The following CDC25C variants were observed in gnomAD, a reference collection of about 807,000 sequenced individuals.
CDC25C encodes M-phase inducer phosphatase 3.
A neutral mutation model predicts 52.5 loss-of-function variants in CDC25C; 48 were observed. The ratio of observed to expected loss-of-function variants is 0.91; its 90% CI spans 0.72 to 1.16. CDC25C has a LOEUF of 1.16. Among genes scored for constraint, CDC25C ranks in the 50% most tolerant of loss-of-function variants. CDC25C has a pLI of 0.00. For synonymous variants in CDC25C, 187 were observed against 206.5 expected, an observed-to-expected ratio of 0.91 and a Z score of 0.81; for missense variants, 510 against 566.1, an observed-to-expected ratio of 0.90 and a Z score of 1.01.
chr5:138,329,716 T>C, intron 2 of CDC25C, 69 bp from the exon 3 acceptor site: 1 of 742,586 alleles, frequency 1.3e-6, no homozygotes, highest in South Asian at 1.7e-5. Flanking sequence ...AAAGATCATG[T>C]CATCCTCTTC....
chr5:138,299,193 G>GAA (rs1161142032), intron 7 of CDC25C, among the ~76,000 whole-genome samples: 63 of 74,858 alleles, frequency 8.4e-4, no homozygotes, highest in South Asian at 1.5e-3. Flanking sequence ...ACTCTGTCTG[G>GAA]AAAAAAAAAA....
chr5:138,328,215 A>AAAGC (rs576315966), intron 4 of CDC25C, among the ~76,000 whole-genome samples: 25 of 152,326 alleles, frequency 1.6e-4, no homozygotes, highest in African/African-American at 6.0e-4. Context: ...CATACAAATA[A>AAAGC]AAGCCTATAC....
At position 138,331,622 on chromosome 5, in the gene CDC25C, A is replaced by G; in HGVS notation, c.-66T>C. 9.9e-7 allele frequency: 1 copy of G among 1,009,774 alleles called. No homozygotes were observed. The highest frequency in any genetic ancestry group is 1.2e-6 in the Non-Finnish European group (1 of 843,708). 62.6% of individuals were successfully genotyped at this position (1,009,774 alleles called of 1,614,324 possible). On this transcript the variant is annotated 5_prime_UTR_variant, in exon 1 of 14. Coordinates refer to ENST00000323760, the MANE Select transcript of CDC25C (RefSeq NM_001790.5). ...CAAGCCTGGAGTCTGAGGCTTGCCT[A>G]CAAGAGGAGAGAAAGTAGATAGGGA...
At chr5:138,289,114 A>G (rs1282437024) in intron 10 of CDC25C, among the ~76,000 whole-genome samples, 1 of 152,026 alleles carries the variant, frequency 6.6e-6, no homozygotes, top group Non-Finnish European at 1.5e-5. Flanking sequence ...ATAGGCACAC[A>G]TTACCACGCC....
rs536656547 is a variant in CDC25C, at chr5:138,289,123, C to A, written c.927+378G>T. On this transcript the variant is annotated intron_variant, in intron 10 of 13. Coordinates refer to ENST00000323760, the MANE Select transcript of CDC25C (RefSeq NM_001790.5). ...GGGATTATAGGCACACATTACCACGCCTGGTTAATTTTTTTGTATTTTTAT... is the reference window on the plus strand; with the variant it reads ...GGGATTATAGGCACACATTACCACGACTGGTTAATTTTTTTGTATTTTTAT... Among the ~76,000 whole-genome samples the A allele has an allele frequency of 5.3e-5, 8 of 152,136 alleles. No homozygotes were observed. The South Asian group carries it at 1.7e-3, about 32-fold the overall frequency.
At chr5:138,286,295 T>C (rs531682908) in intron 12 of CDC25C, among the ~76,000 whole-genome samples, 162 bp from the exon 13 acceptor site, 53 of 152,304 alleles carry the variant, frequency 3.5e-4, no homozygotes, top group South Asian at 6.2e-4. Flanking sequence ...AGTACCACCC[T>C]TCCTCCTTTC....
At position 138,326,042 on chromosome 5, in the gene CDC25C, C is replaced by T. The variant is rs1347334560; in HGVS notation, c.348G>A (p.Gln116=). ...EVHLAGMNHD[Q]HLMKCSPAQL... ...TCACTGGGCTACATTTCATTAGGTGCTGGTCATGATTCCTGCAGATTAAAA... is the reference window on the plus strand; with the variant it reads ...TCACTGGGCTACATTTCATTAGGTGTTGGTCATGATTCCTGCAGATTAAAA... The change falls in exon 5 of 14, where the codon CAG becomes CAA. Residue 116 remains glutamine (Q), a synonymous_variant. Transcript: ENST00000323760. The T allele has an allele frequency of 3.1e-6, 5 of 1,614,196 alleles. No homozygotes were observed. Among genetic ancestry groups the T allele is most frequent in the South Asian group, 1.1e-5 (1 of 91,088 alleles).
At chr5:138,308,064 G>A (rs963389742) in intron 7 of CDC25C, among the ~76,000 whole-genome samples, 2 of 152,130 alleles carry the variant, frequency 1.3e-5, no homozygotes, top group South Asian at 2.1e-4. Context: ...ACAGGAGGCA[G>A]AGCTTAGGTG....
At chr5:138,294,756 G>A (rs759491644) in intron 7 of CDC25C, among the ~76,000 whole-genome samples, 7 of 151,752 alleles carry the variant, frequency 4.6e-5, no homozygotes, top group Non-Finnish European at 1.0e-4. Context: ...TGCCCGCCTC[G>A]GCCCTCCAAA....
intron 1 of CDC25C, chr5:138,337,618 G>T (rs1760800551): frequency 3.3e-6 from 1 of 303,708 alleles, no homozygotes; most frequent in South Asian, 2.7e-5. Flanking sequence ...AGTGTTCTGG[G>T]TGAGGGCAAA....
intron 7 of CDC25C, among the ~76,000 whole-genome samples, chr5:138,301,127 T>G (rs982853087): frequency 6.6e-6 from 1 of 152,020 alleles, no homozygotes; most frequent in Non-Finnish European, 1.5e-5. Flanking sequence ...ATCAATGGAA[T>G]AGAAAACAGA....
chr5:138,296,974 G>C (rs1471775882), intron 7 of CDC25C, among the ~76,000 whole-genome samples: 1 of 135,208 alleles, frequency 7.4e-6, no homozygotes, highest in Non-Finnish European at 1.5e-5. Context: ...GCAGTGGCAC[G>C]ATCTCGGCTC....
At chr5:138,322,466 ATTT>A (rs71585117) in intron 6 of CDC25C, among the ~76,000 whole-genome samples, 1 of 67,940 alleles carries the variant, frequency 1.5e-5, no homozygotes, top group East Asian at 3.8e-4. Flanking sequence ...CGCCCGGCTA[ATTT>A]TTTTTTTTTT....
At chr5:138,296,228 T>TTTTA (rs1008852423) in intron 7 of CDC25C, among the ~76,000 whole-genome samples, 16 of 152,014 alleles carry the variant, frequency 1.1e-4, no homozygotes, top group Non-Finnish European at 1.8e-4. Flanking sequence ...TTTTAGTTAT[T>TTTTA]TTTATTTATT....
At position 138,309,714 on chromosome 5, in the gene CDC25C, A is replaced by AT. The variant is rs1266398380; in HGVS notation, c.615+9504_615+9505insA. 2.3e-3 allele frequency among the ~76,000 whole-genome samples: 126 copies of AT among 55,758 alleles called. No individual in the cohort carries two copies. In the East Asian group the frequency reaches 0.043, roughly 19 times the overall value. 36.6% of individuals were successfully genotyped at this position (55,758 alleles called of 152,430 possible). On this transcript the variant is annotated intron_variant, in intron 7 of 13. Transcript: ENST00000323760. Reference sequence around the variant, plus strand: ...AACTAAAACCTCCCCTGGCTCTCAAAATTTTTTTTTTTTTTTTTTGAGATG... The same window carrying AT: ...AACTAAAACCTCCCCTGGCTCTCAAATATTTTTTTTTTTTTTTTTTGAGATG...
upstream of CDC25C, chr5:138,332,020 A>G (rs1034367644): frequency 1.9e-6 from 1 of 538,376 alleles, no homozygotes; most frequent in Non-Finnish European, 2.4e-6. Flanking sequence ...TTGGCCCACC[A>G]GCGTTAGGCA....
At position 138,329,547 on chromosome 5, in the gene CDC25C, C is replaced by G; in HGVS notation, c.289+6G>C. ...CCTTTGAGGCCTTTATCTCCCTTCT[C>G]CCTACCAGTTTCATCAAGGTCTGCA... On this transcript the variant is annotated splice_donor_region_variant and intron_variant, in intron 3 of 13. Transcript: ENST00000323760. 1 of 1,568,038 alleles carries G rather than the reference C, an allele frequency of 6.4e-7. No homozygotes were observed. Among genetic ancestry groups the G allele is most frequent in the South Asian group, 1.1e-5 (1 of 89,952 alleles).
upstream of CDC25C, chr5:138,333,637 AG>A (rs1760544374): frequency 6.6e-6 from 1 of 152,234 alleles, no homozygotes; most frequent in African/African-American, 2.4e-5. Context: ...ACTTCCCTGC[AG>A]GTGGGAAGTA....
chr5:138,324,582 A>G (rs1759705144), intron 6 of CDC25C, among the ~76,000 whole-genome samples: 1 of 152,044 alleles, frequency 6.6e-6, no homozygotes. Context: ...ACATGGTGAA[A>G]CCCTGTCTCT....
Sources: gnomAD v4.1 joint callset for allele counts (sites outside exome capture counted in the v4.1 genomes callset) on GRCh38, gnomAD v4.1.1 for gene constraint, MANE v1.5 for transcripts, NCBI Gene and HGNC (gene_info 2026-07-23, HGNC 2026-07-21) for gene names.